ASTN2: variants seen among roughly 807,000 people sequenced by gnomAD.
ASTN2 encodes astrotactin 2.
ASTN2 carries 54 observed loss-of-function variants against 139.8 expected under a neutral mutation model. That is an observed-to-expected ratio of 0.39 (90% CI 0.31 to 0.48). ASTN2 has a LOEUF of 0.48. ASTN2 is among the 20% of genes least tolerant of loss of function. The probability of loss-of-function intolerance (pLI) is 0.95; values close to 1 mark genes in which losing one functional copy is unlikely to be tolerated. For missense variants in ASTN2, 1,565 were observed against 1,725.1 expected, an observed-to-expected ratio of 0.91 and a Z score of 1.64; for synonymous variants, 756 against 719.5, an observed-to-expected ratio of 1.05 and a Z score of -0.81.
intron 17 of ASTN2, among the ~76,000 whole-genome samples, chr9:116,636,734 G>A (rs1857093250): frequency 6.6e-6 from 1 of 152,110 alleles, no homozygotes; most frequent in South Asian, 2.1e-4. Flanking sequence ...AGTTATTTCA[G>A]AGCCCTATAA....
intron 1 of ASTN2, among the ~76,000 whole-genome samples, chr9:117,365,997 A>G (rs751584872): frequency 6.6e-6 from 1 of 152,092 alleles, no homozygotes; most frequent in Non-Finnish European, 1.5e-5. Context: ...CTCCTGACAC[A>G]TTACATAACT....
intron 11 of ASTN2, among the ~76,000 whole-genome samples, chr9:116,825,909 G>GGCT (rs963705721): frequency 2.0e-5 from 3 of 152,334 alleles, no homozygotes; most frequent in Admixed American, 6.5e-5. Context: ...CTACAGATAT[G>GGCT]GCTGCTGCTG....
intron 1 of ASTN2, among the ~76,000 whole-genome samples, chr9:117,381,412 G>C (rs1373451882): frequency 6.6e-6 from 1 of 152,138 alleles, no homozygotes. Context: ...GGTGGGGCCT[G>C]GTGGGAGGTC....
chr9:116,499,134 T>C (rs1432562735), intron 19 of ASTN2, among the ~76,000 whole-genome samples: 3 of 152,210 alleles, frequency 2.0e-5, no homozygotes, highest in Non-Finnish European at 2.9e-5. Context: ...CTTGATTTTA[T>C]TCCAAGCACT....
At chr9:116,750,680 C>A (rs1829375398) in intron 13 of ASTN2, among the ~76,000 whole-genome samples, 1 of 152,106 alleles carries the variant, frequency 6.6e-6, no homozygotes, top group Admixed American at 6.6e-5. Flanking sequence ...AATGAGGAGC[C>A]CTGACCATCT....
intron 6 of ASTN2, among the ~76,000 whole-genome samples, chr9:117,016,656 A>AT (rs59564628): frequency 3.7e-5 from 1 of 26,808 alleles, no homozygotes; most frequent in Non-Finnish European, 8.3e-5. Flanking sequence ...ATATATATAT[A>AT]ACCTATATAT....
chr9:116,958,701 G>C (rs529200809), intron 10 of ASTN2, among the ~76,000 whole-genome samples: 1 of 152,228 alleles, frequency 6.6e-6, no homozygotes, highest in Non-Finnish European at 1.5e-5. Context: ...AAATTGGTGG[G>C]TATGGCACTG....
intron 1 of ASTN2, among the ~76,000 whole-genome samples, chr9:117,339,701 A>G (rs889365908): frequency 4.6e-5 from 7 of 152,112 alleles, no homozygotes; most frequent in African/African-American, 1.7e-4. Flanking sequence ...AAATGGATAC[A>G]TTAATATTGA....
At chr9:117,179,167 G>A (rs1226624399) in intron 3 of ASTN2, among the ~76,000 whole-genome samples, 1 of 152,146 alleles carries the variant, frequency 6.6e-6, no homozygotes, top group Admixed American at 6.5e-5. Flanking sequence ...TGATTACAGA[G>A]TATGTGTGAA....
At chr9:116,465,544 T>A (rs554028772) in intron 20 of ASTN2, among the ~76,000 whole-genome samples, 1 of 152,242 alleles carries the variant, frequency 6.6e-6, no homozygotes, top group African/African-American at 2.4e-5. Context: ...AGGAGAGAGA[T>A]AACATCCAGT....
Position 116,810,018 on chromosome 9 carries a change from C to T in ASTN2, c.2208-4198G>A, listed in dbSNP as rs372380503. Among the ~76,000 whole-genome samples, 15 of 152,254 alleles carry T rather than the reference C, an allele frequency of 9.9e-5. 1 individual carries two copies. In the South Asian group the frequency reaches 2.5e-3, roughly 25 times the overall value. ...GGCAAGCTTGGAGACCATGCGTTCC[C>T]GATGCATTCTACAGGATGGAGGAAG... On this transcript the variant is annotated intron_variant, in intron 12 of 22. Coordinates refer to ENST00000313400, the MANE Select transcript of ASTN2 (RefSeq NM_001365068.1).
intron 3 of ASTN2, among the ~76,000 whole-genome samples, chr9:117,142,041 T>C (rs1194050279): frequency 6.6e-6 from 1 of 152,128 alleles, no homozygotes; most frequent in Non-Finnish European, 1.5e-5. Context: ...AGGAGAAGCA[T>C]GTGTGATGAT....
intron 13 of ASTN2, among the ~76,000 whole-genome samples, chr9:116,743,398 A>T (rs1362966832): frequency 6.6e-6 from 1 of 152,128 alleles, no homozygotes; most frequent in Admixed American, 6.5e-5. Flanking sequence ...AAAATGCAAA[A>T]AAATTAGCCA....
At chr9:116,848,612 C>T (rs115472294) in intron 11 of ASTN2, among the ~76,000 whole-genome samples, 282 of 152,254 alleles carry the variant, frequency 1.9e-3, no homozygotes, top group African/African-American at 6.3e-3. Flanking sequence ...TTAGCCCTTC[C>T]GCAATACTTC....
intron 10 of ASTN2, among the ~76,000 whole-genome samples, chr9:116,877,382 T>C (rs138645137): frequency 0.015 from 2,227 of 152,298 alleles, 25 homozygotes; most frequent in Non-Finnish European, 0.023. Flanking sequence ...ACTCAACAAA[T>C]AACTGCCTTA....
intron 16 of ASTN2, among the ~76,000 whole-genome samples, chr9:116,690,598 G>T (rs1196049935): frequency 6.6e-6 from 1 of 152,076 alleles, no homozygotes; most frequent in African/African-American, 2.4e-5. Context: ...TCATTTCTAG[G>T]TGCCCTTACC....
chr9:116,436,254 C>T (rs557348117), intron 22 of ASTN2, among the ~76,000 whole-genome samples: 1 of 152,236 alleles, frequency 6.6e-6, no homozygotes, highest in South Asian at 2.1e-4. Context: ...TCATGGAATT[C>T]AATTGTTTCC....
chr9:117,328,953 C>T (rs754568203), intron 1 of ASTN2, among the ~76,000 whole-genome samples: 40 of 152,234 alleles, frequency 2.6e-4, no homozygotes, highest in Non-Finnish European at 4.4e-4. Context: ...GTTTGGATGC[C>T]ATCGAAGGAG....
chr9:117,306,684 G>A (rs1363730134), intron 1 of ASTN2, among the ~76,000 whole-genome samples: 2 of 152,156 alleles, frequency 1.3e-5, no homozygotes, highest in Non-Finnish European at 2.9e-5. Context: ...CAGTCTACAT[G>A]ATAAACCTTA....
Sources: allele counts gnomAD v4.1 joint callset (sites outside exome capture counted in the v4.1 genomes callset), GRCh38; gene constraint gnomAD v4.1.1; transcripts MANE v1.5; gene names NCBI Gene and HGNC (gene_info 2026-07-23, HGNC 2026-07-21).